The following CERKL variants were observed in gnomAD, a reference collection of about 807,000 sequenced individuals.
CERKL encodes ceramide kinase-like protein.
Under a neutral mutation model 63.4 loss-of-function variants are expected in CERKL, and 61 were observed. That is an observed-to-expected ratio of 0.96 (90% CI 0.78 to 1.19). The LOEUF is 1.19. Among genes scored for constraint, CERKL ranks in the 50% most tolerant of loss-of-function variants. CERKL has a pLI of 0.00. For missense variants in CERKL, 675 were observed against 655.5 expected (o/e 1.03, Z -0.33); for synonymous variants, 250 against 230.5 (o/e 1.08, Z -0.77).
At chr2:181,544,205 A>C (rs1292545325) in intron 11 of CERKL, among the ~76,000 whole-genome samples, 1 of 152,154 alleles carries the variant, frequency 6.6e-6, no homozygotes, top group Non-Finnish European at 1.5e-5. Flanking sequence ...ATCTTCACAT[A>C]TTCTCATTTT....
chr2:181,615,173 T>C (rs972031466), intron 1 of CERKL, among the ~76,000 whole-genome samples: 3 of 152,194 alleles, frequency 2.0e-5, no homozygotes, highest in Non-Finnish European at 4.4e-5. Flanking sequence ...TTCCTATTGT[T>C]GTATTTTTTT....
chr2:181,644,270 T>C (rs527251211), intron 1 of CERKL, among the ~76,000 whole-genome samples: 68 of 152,378 alleles, frequency 4.5e-4, no homozygotes, highest in African/African-American at 1.5e-3. Flanking sequence ...CCCAGAGTGG[T>C]CTGACCTTTC....
At chr2:181,577,480 G>T (rs1352240382) in intron 2 of CERKL, among the ~76,000 whole-genome samples, 1 of 152,158 alleles carries the variant, frequency 6.6e-6, no homozygotes, top group Non-Finnish European at 1.5e-5. Context: ...AGAGAAACCA[G>T]TTACCACTTT....
At chr2:181,652,190 C>T (rs1687969071) in intron 1 of CERKL, among the ~76,000 whole-genome samples, 1 of 152,056 alleles carries the variant, frequency 6.6e-6, no homozygotes, top group Admixed American at 6.6e-5. Context: ...CCCCAAATAG[C>T]CAAAGCAACC....
At chr2:181,635,287 C>A (rs1239882176) in intron 1 of CERKL, among the ~76,000 whole-genome samples, 1 of 151,928 alleles carries the variant, frequency 6.6e-6, no homozygotes, top group African/African-American at 2.4e-5. Context: ...GCTAGGGTAC[C>A]AAGACATATT....
intron 1 of CERKL, among the ~76,000 whole-genome samples, chr2:181,644,621 G>T (rs546049513): frequency 6.6e-6 from 1 of 152,244 alleles, no homozygotes; most frequent in African/African-American, 2.4e-5. Flanking sequence ...CAGAGAAGTG[G>T]ATGAACCTTA....
chr2:181,539,237 T>A lies in CERKL; in HGVS notation c.1393A>T (p.Thr465Ser). Residue 465 changes from threonine to serine, a missense_variant, in exon 12 of 13, where the codon ACT becomes TCT. By Grantham distance (58) the Thr-to-Ser change is moderately conservative. Coordinates refer to ENST00000410087, the MANE Select transcript of CERKL (RefSeq NM_201548.5). ...QFNFPFVETYTVEEVKVHPRN... is the reference protein window; with the variant it reads ...QFNFPFVETYSVEEVKVHPRN... ...GGATGAACTTTTACTTCCTCAACAG[T>A]GTAAGTCTCAACAAATGGAAAATTG... 1 of 1,598,064 alleles carries A rather than the reference T, an allele frequency of 6.3e-7. No homozygotes were observed. The highest frequency in any genetic ancestry group is 8.6e-7 in the Non-Finnish European group (1 of 1,165,692).
At chr2:181,600,187 C>A (rs900374012) in intron 2 of CERKL, among the ~76,000 whole-genome samples, 1 of 152,200 alleles carries the variant, frequency 6.6e-6, no homozygotes, top group Non-Finnish European at 1.5e-5. Context: ...ACCTGCCATA[C>A]AAGAAATACT....
chr2:181,606,274 G>T (rs1685679424), intron 1 of CERKL, among the ~76,000 whole-genome samples: 1 of 92,768 alleles, frequency 1.1e-5, no homozygotes, highest in Non-Finnish European at 2.0e-5. Context: ...GTGGGGGGTG[G>T]GAGGAAGACA....
chr2:181,611,880 T>C (rs932851313), intron 1 of CERKL, among the ~76,000 whole-genome samples: 7 of 152,256 alleles, frequency 4.6e-5, no homozygotes, highest in Non-Finnish European at 7.3e-5. Flanking sequence ...TTGTCTTCAG[T>C]GAAAATATTT....
At chr2:181,597,260 ATAAAAT>A (rs1384401834) in intron 2 of CERKL, among the ~76,000 whole-genome samples, 14 of 152,332 alleles carry the variant, frequency 9.2e-5, no homozygotes, top group South Asian at 2.1e-4. Flanking sequence ...TACAATTCTG[ATAAAAT>A]TAGGAGTTTG....
At chr2:181,649,632 A>C (rs1157972848) in intron 1 of CERKL, 1 of 152,250 alleles carries the variant, frequency 6.6e-6, no homozygotes, top group African/African-American at 2.4e-5. Flanking sequence ...ATGCACATGG[A>C]ACATTCTTGA....
chr2:181,613,336 T>C (rs1285211426), intron 1 of CERKL, among the ~76,000 whole-genome samples: 1 of 152,198 alleles, frequency 6.6e-6, no homozygotes, highest in African/African-American at 2.4e-5. Context: ...AGACAGCATA[T>C]GTATAAATTA....
At chr2:181,546,582 C>A (rs566150622) in intron 10 of CERKL, among the ~76,000 whole-genome samples, 1 of 152,078 alleles carries the variant, frequency 6.6e-6, no homozygotes, top group Non-Finnish European at 1.5e-5. Flanking sequence ...TCTCTTTTTT[C>A]TTCTCTAACT....
intron 1 of CERKL, among the ~76,000 whole-genome samples, chr2:181,645,737 G>A (rs190065185): frequency 6.6e-6 from 1 of 152,308 alleles, no homozygotes; most frequent in East Asian, 1.9e-4. Context: ...ATGATTACTA[G>A]TCCCAAGAGT....
At chr2:181,608,172 C>CTT (rs1030556345) in intron 1 of CERKL, among the ~76,000 whole-genome samples, 1 of 144,984 alleles carries the variant, frequency 6.9e-6, no homozygotes, top group Admixed American at 6.9e-5. Context: ...ACCCAGCTCA[C>CTT]TTTTTTTTTT....
intron 1 of CERKL, among the ~76,000 whole-genome samples, chr2:181,637,502 A>C (rs1687230259): frequency 6.6e-6 from 1 of 152,092 alleles, no homozygotes; most frequent in Non-Finnish European, 1.5e-5. Context: ...TCAAGGTAGA[A>C]AAACACATAT....
chr2:181,621,995 A>C (rs976458906), intron 1 of CERKL, among the ~76,000 whole-genome samples: 1 of 152,224 alleles, frequency 6.6e-6, no homozygotes, highest in African/African-American at 2.4e-5. Flanking sequence ...AGCCCTGATT[A>C]CATCTAATAT....
chr2:181,556,985 T>C (rs1019614407), intron 5 of CERKL, among the ~76,000 whole-genome samples: 1 of 152,234 alleles, frequency 6.6e-6, no homozygotes, highest in African/African-American at 2.4e-5. Flanking sequence ...TGCATTTCTC[T>C]GATGGCCAGT....
Sources: gnomAD v4.1 joint callset for allele counts (sites outside exome capture counted in the v4.1 genomes callset) on GRCh38, gnomAD v4.1.1 for gene constraint, MANE v1.5 for transcripts, NCBI Gene and HGNC (gene_info 2026-07-23, HGNC 2026-07-21) for gene names.